The following TMEM217 variants were observed in gnomAD, a reference collection of about 807,000 sequenced individuals.
TMEM217 encodes the protein chromosome 6 open reading frame 128.
For missense variants in TMEM217, 204 were observed against 248.8 expected (o/e 0.82, Z 1.21); for synonymous variants, 76 against 88.3 (o/e 0.86, Z 0.78).
At chr6:37,257,889 G>A (rs1382438596) in exon 1 of TMEM217, 2 of 1,611,294 alleles carry the variant, frequency 1.2e-6, no homozygotes, top group South Asian at 1.1e-5. Context: ...CCCTTGGCCC[G>A]CCTACAAGGA....
exon 2 of TMEM217, chr6:37,218,090 TG>T: frequency 2.0e-6 from 2 of 1,022,478 alleles, no homozygotes; most frequent in Non-Finnish European, 2.3e-6. Flanking sequence ...AGAACTACCC[TG>T]GGAATCTGAG....
At chr6:37,218,552 C>G (rs1167770499) in exon 2 of TMEM217, 1 of 1,614,126 alleles carries the variant, frequency 6.2e-7, no homozygotes, top group South Asian at 1.1e-5. Context: ...AATTATATTG[C>G]CCTGGCTCCG....
intron 1 of TMEM217, among the ~76,000 whole-genome samples, chr6:37,229,552 C>G (rs1000281311): frequency 1.3e-5 from 2 of 151,946 alleles, no homozygotes; most frequent in East Asian, 3.9e-4. Flanking sequence ...CCGTGTTAGC[C>G]AGGATGGTCT....
chr6:37,251,514 C>A (rs1358551184), intron 1 of TMEM217, among the ~76,000 whole-genome samples: 3 of 152,166 alleles, frequency 2.0e-5, no homozygotes, highest in Non-Finnish European at 2.9e-5. Context: ...GATGAGTAAA[C>A]TAGAGCTCAA....
intron 1 of TMEM217, among the ~76,000 whole-genome samples, chr6:37,225,564 C>T (rs1278031577): frequency 6.6e-6 from 1 of 152,178 alleles, no homozygotes; most frequent in Non-Finnish European, 1.5e-5. Flanking sequence ...GCGTAATTGG[C>T]CTTGCTGTGT....
At chr6:37,212,446 C>T (rs542121567) in exon 4 of TMEM217, 25 of 435,018 alleles carry the variant, frequency 5.7e-5, no homozygotes, top group East Asian at 1.4e-4. Flanking sequence ...CATTCCCAGA[C>T]GGACAGGTAG....
Position 37,257,845 on chromosome 6 carries a change from G to C in TMEM217, c.-289C>G. Reference sequence around the variant, plus strand: ...GGGAAGCGGCCTGGGTTGGCCCTCAGATTGCGGGGTCTGGGGGCATCTCGC... The same window carrying C: ...GGGAAGCGGCCTGGGTTGGCCCTCACATTGCGGGGTCTGGGGGCATCTCGC... On this transcript the variant is annotated 5_prime_UTR_variant, in exon 1 of 2. The change creates a new upstream start codon in the 5' untranslated region. Transcript: ENST00000357219. The C allele has an allele frequency of 1.9e-6, 3 of 1,550,212 alleles. No homozygotes were observed. The highest frequency in any genetic ancestry group is 2.6e-6 in the Non-Finnish European group (3 of 1,141,204).
chr6:37,257,689 C>T (rs903997324), exon 1 of TMEM217: 8 of 544,126 alleles, frequency 1.5e-5, no homozygotes, highest in Non-Finnish European at 2.6e-5. Context: ...CAGCGGCCTG[C>T]AGGATTCCGG....
At chr6:37,237,743 A>G (rs1764571929) in intron 1 of TMEM217, among the ~76,000 whole-genome samples, 2 of 152,216 alleles carry the variant, frequency 1.3e-5, no homozygotes, top group Admixed American at 1.3e-4. Flanking sequence ...TAGAATCTTA[A>G]CAATGTAATA....
At chr6:37,215,570 C>CAAAAAAAAAAAAAAAAAAAAAAAAAAA (rs34808595), downstream of TMEM217, among the ~76,000 whole-genome samples, 9 of 72,374 alleles carry the variant, frequency 1.2e-4, no homozygotes, top group African/African-American at 1.8e-4. Context: ...GACTCTGTCT[C>CAAAAAAAAAAAAAAAAAAAAAAAAAAA]AAAAAAAAAA....
chr6:37,251,868 C>T (rs1224289), intron 1 of TMEM217, among the ~76,000 whole-genome samples: 6 of 152,118 alleles, frequency 3.9e-5, no homozygotes, highest in African/African-American at 1.4e-4. Flanking sequence ...TTTTATATGA[C>T]CTAGGAGATA....
At chr6:37,250,024 A>T (rs933044055) in intron 1 of TMEM217, among the ~76,000 whole-genome samples, 10 of 152,248 alleles carry the variant, frequency 6.6e-5, no homozygotes, top group Non-Finnish European at 1.5e-4. Flanking sequence ...CAGTAGTAGC[A>T]TAGATAAAAT....
chr6:37,226,956 T>G (rs1448245279), intron 1 of TMEM217, among the ~76,000 whole-genome samples: 1 of 152,256 alleles, frequency 6.6e-6, no homozygotes, highest in African/African-American at 2.4e-5. Context: ...AATTGTTATT[T>G]AAATATTTTA....
intron 1 of TMEM217, among the ~76,000 whole-genome samples, chr6:37,240,707 A>G (rs1764724798): frequency 6.6e-6 from 1 of 152,188 alleles, no homozygotes; most frequent in South Asian, 2.1e-4. Context: ...GTATACATGT[A>G]TGTGTGTGTA....
chr6:37,237,953 G>A (rs550488664), intron 1 of TMEM217, among the ~76,000 whole-genome samples: 1 of 152,288 alleles, frequency 6.6e-6, no homozygotes, highest in Non-Finnish European at 1.5e-5. Context: ...GAAGTAAAAT[G>A]TGTTGGGGGT....
chr6:37,212,398 C>T, exon 4 of TMEM217: 1 of 389,264 alleles, frequency 2.6e-6, no homozygotes, highest in East Asian at 7.2e-5. Context: ...CCCACCTTTC[C>T]TGGCATCTGG....
intron 1 of TMEM217, among the ~76,000 whole-genome samples, chr6:37,242,304 G>C (rs1764808184): frequency 6.6e-6 from 1 of 152,186 alleles, no homozygotes; most frequent in Non-Finnish European, 1.5e-5. Context: ...GGCAGAACCT[G>C]TACCTCTCTA....
At chr6:37,245,802 TTC>T (rs199994811) in intron 1 of TMEM217, among the ~76,000 whole-genome samples, 8,056 of 40,752 alleles carry the variant, frequency 0.2, 695 homozygotes, top group African/African-American at 0.48. Flanking sequence ...CTTTCTTTCT[TTC>T]TTTTTTTTTT....
intron 1 of TMEM217, among the ~76,000 whole-genome samples, chr6:37,255,820 A>G (rs1406393122): frequency 6.6e-6 from 1 of 152,194 alleles, no homozygotes; most frequent in Admixed American, 6.5e-5. Flanking sequence ...ACCAAGTGGT[A>G]GTGGTGAAAA....
Sources: gnomAD v4.1 joint callset for allele counts (sites outside exome capture counted in the v4.1 genomes callset) on GRCh38, gnomAD v4.1.1 for gene constraint, MANE v1.5 for transcripts, NCBI Gene and HGNC (gene_info 2026-07-23, HGNC 2026-07-21) for gene names.